KCNIP4: variants seen among roughly 807,000 people sequenced by gnomAD.
KCNIP4 encodes the protein potassium voltage-gated channel interacting protein 4.
Under a neutral mutation model 34.0 loss-of-function variants are expected in KCNIP4, and 12 were observed. That is an observed-to-expected ratio of 0.35 (90% CI 0.23 to 0.57). KCNIP4 has a LOEUF of 0.57. Ranked by LOEUF, KCNIP4 falls within the 20% of genes least tolerant of loss-of-function variation. The pLI is 0.83. For missense variants in KCNIP4, 238 were observed against 311.7 expected (o/e 0.76, Z 1.78); for synonymous variants, 124 against 102.2 (o/e 1.21, Z -1.29).
chr4:21,203,127 G>A (rs976935183), intron 1 of KCNIP4, among the ~76,000 whole-genome samples: 2 of 152,330 alleles, frequency 1.3e-5, no homozygotes, highest in Non-Finnish European at 2.9e-5. Context: ...ACTCATGCAG[G>A]TTCTGAAAAA....
intron 1 of KCNIP4, among the ~76,000 whole-genome samples, chr4:21,485,421 T>A (rs961754703): frequency 1.3e-5 from 2 of 152,104 alleles, no homozygotes; most frequent in Non-Finnish European, 2.9e-5. Context: ...CCCACTCCCA[T>A]CCATGCCACA....
chr4:21,115,575 A>G (rs1696098947), intron 1 of KCNIP4, among the ~76,000 whole-genome samples: 1 of 152,200 alleles, frequency 6.6e-6, no homozygotes, highest in Non-Finnish European at 1.5e-5. Context: ...AAAATGTTAG[A>G]CAATTCAGCT....
intron 1 of KCNIP4, chr4:21,847,662 C>G (rs1219728275): frequency 6.6e-6 from 1 of 152,192 alleles, no homozygotes; most frequent in African/African-American, 2.4e-5. Context: ...CTCTTAATCA[C>G]AAAAATGATT....
At chr4:21,893,599 T>C (rs1727225303) in intron 1 of KCNIP4, among the ~76,000 whole-genome samples, 1 of 152,044 alleles carries the variant, frequency 6.6e-6, no homozygotes, top group Admixed American at 6.6e-5. Context: ...CAAGAAAGAG[T>C]TCAGAGCAAA....
chr4:21,700,294 T>C (rs954626929), intron 1 of KCNIP4, among the ~76,000 whole-genome samples: 4 of 152,216 alleles, frequency 2.6e-5, no homozygotes, highest in Non-Finnish European at 5.9e-5. Flanking sequence ...AGATATGCAG[T>C]GATAGATCAT....
At chr4:21,711,471 A>T (rs1346824983) in intron 1 of KCNIP4, among the ~76,000 whole-genome samples, 1 of 151,634 alleles carries the variant, frequency 6.6e-6, no homozygotes, top group Non-Finnish European at 1.5e-5. Context: ...ACAGAGCGAG[A>T]CTCCGTCTCA....
intron 1 of KCNIP4, among the ~76,000 whole-genome samples, chr4:21,374,261 G>A (rs1192253669): frequency 2.0e-5 from 3 of 147,212 alleles, no homozygotes; most frequent in Non-Finnish European, 4.4e-5. Flanking sequence ...GAGGTGTAAA[G>A]GACTCACAGT....
chr4:21,093,166 A>G (rs1747151523), intron 1 of KCNIP4, among the ~76,000 whole-genome samples: 1 of 152,226 alleles, frequency 6.6e-6, no homozygotes, highest in Non-Finnish European at 1.5e-5. Context: ...CATTGTTTAG[A>G]AGAACAACTG....
In KCNIP4 at chr4:21,219,610, A is replaced by G. The variant is rs1757844191; in HGVS notation, c.62-336901T>C. 2.6e-5 allele frequency among the ~76,000 whole-genome samples: 4 copies of G among 152,156 alleles called. No homozygotes were observed. The South Asian group carries it at 8.3e-4, about 32-fold the overall frequency. ...CTCAAATTAACCTACATTCATTTGCAACTGGTTGAGAGAAGAAAGGGGACA... is the reference window on the plus strand; with the variant it reads ...CTCAAATTAACCTACATTCATTTGCGACTGGTTGAGAGAAGAAAGGGGACA... On this transcript the variant is annotated intron_variant, in intron 1 of 8. Coordinates refer to ENST00000382152, the MANE Select transcript of KCNIP4 (RefSeq NM_025221.6).
At chr4:21,193,673 G>A (rs1008139289) in intron 1 of KCNIP4, among the ~76,000 whole-genome samples, 14 of 146,586 alleles carry the variant, frequency 9.6e-5, no homozygotes, top group East Asian at 2.0e-4. Context: ...CTGGGTTCAC[G>A]CCATTCTCCT....
chr4:21,130,318 G>T (rs1482825056), intron 1 of KCNIP4, among the ~76,000 whole-genome samples: 7 of 152,098 alleles, frequency 4.6e-5, no homozygotes, highest in Non-Finnish European at 7.4e-5. Context: ...AGCTGTGTTT[G>T]AGAATCACCG....
At chr4:21,301,923 T>G (rs926249189) in intron 1 of KCNIP4, among the ~76,000 whole-genome samples, 1 of 152,242 alleles carries the variant, frequency 6.6e-6, no homozygotes. Flanking sequence ...TTGCTTTCTA[T>G]CTCTGTCAAC....
In KCNIP4 at chr4:21,382,211, G is replaced by C. The variant is rs73804804; in HGVS notation, c.62-499502C>G. On this transcript the variant is annotated intron_variant, in intron 1 of 8. Coordinates refer to ENST00000382152, the MANE Select transcript of KCNIP4 (RefSeq NM_025221.6). ...CTGCCATGGACAGAGGTCATTGAAA[G>C]AGACAGTATGGCAGGCCATGAGCCC... is the stretch of plus-strand genomic sequence containing the variant. Among the ~76,000 whole-genome samples the C allele has an allele frequency of 8.7e-3, 1,319 of 152,298 alleles. 28 individuals are homozygous for C. The highest frequency in any genetic ancestry group is 0.03 in the African/African-American group (1,240 of 41,562).
chr4:21,448,886 A>G (rs951875612), intron 1 of KCNIP4, among the ~76,000 whole-genome samples: 1 of 152,196 alleles, frequency 6.6e-6, no homozygotes, highest in Non-Finnish European at 1.5e-5. Flanking sequence ...AGTTTTTGAG[A>G]ATATTATACC....
At chr4:20,966,633 G>GAA (rs1734377150) in intron 1 of KCNIP4, among the ~76,000 whole-genome samples, 1 of 152,084 alleles carries the variant, frequency 6.6e-6, no homozygotes, top group East Asian at 1.9e-4. Flanking sequence ...AAATACCTAT[G>GAA]GACTATCTCA....
At chr4:21,624,579 C>T (rs979602341) in intron 1 of KCNIP4, among the ~76,000 whole-genome samples, 1 of 152,100 alleles carries the variant, frequency 6.6e-6, no homozygotes, top group Non-Finnish European at 1.5e-5. Context: ...AAAAAGTTAT[C>T]ATATTTCATA....
chr4:21,269,056 G>A (rs776756083), intron 1 of KCNIP4, among the ~76,000 whole-genome samples: 13 of 152,210 alleles, frequency 8.5e-5, no homozygotes, highest in African/African-American at 9.6e-5. Context: ...AACAGTGGAA[G>A]AGGCCTTGTA....
chr4:21,493,262 C>T (rs1194665444), intron 1 of KCNIP4, among the ~76,000 whole-genome samples: 1 of 152,078 alleles, frequency 6.6e-6, no homozygotes, highest in Non-Finnish European at 1.5e-5. Flanking sequence ...AACACTGGGG[C>T]TTCTTTGCCT....
chr4:21,827,214 T>A (rs1044913714), intron 1 of KCNIP4, among the ~76,000 whole-genome samples: 3 of 152,040 alleles, frequency 2.0e-5, no homozygotes, highest in Non-Finnish European at 1.5e-5. Flanking sequence ...TGCTCAGCTA[T>A]AAAAATCCAG....
Sources: allele counts gnomAD v4.1 joint callset (sites outside exome capture counted in the v4.1 genomes callset), GRCh38; gene constraint gnomAD v4.1.1; transcripts MANE v1.5; gene names NCBI Gene and HGNC (gene_info 2026-07-23, HGNC 2026-07-21).